SPOCK3: variants seen among roughly 807,000 people sequenced by gnomAD.
SPOCK3 encodes the protein SPARC (osteonectin), cwcv and kazal like domains proteoglycan 3, also known as testican-3.
SPOCK3 carries 30 observed loss-of-function variants against 56.6 expected under a neutral mutation model. The ratio of observed to expected loss-of-function variants is 0.53; its 90% confidence interval spans 0.40 to 0.72. SPOCK3 has a LOEUF of 0.72. Among genes scored for constraint, SPOCK3 ranks in the 30% least tolerant of loss-of-function variants. The pLI, the probability that SPOCK3 is intolerant of heterozygous loss-of-function variation, is 0.00. For synonymous variants in SPOCK3, 196 were observed against 183.3 expected, an observed-to-expected ratio of 1.07 and a Z score of -0.56; for missense variants, 527 against 530.0, an observed-to-expected ratio of 0.99 and a Z score of 0.06.
rs570761390 is a variant in SPOCK3 at position 166,919,070 on chromosome 4, C to T, written c.351-6327G>A. Among the ~76,000 whole-genome samples, 408 of 152,216 alleles carry T rather than the reference C, an allele frequency of 2.7e-3. 1 individual carries two copies. In the Middle Eastern group the frequency reaches 0.037, roughly 14 times the overall value. On this transcript the variant is annotated intron_variant, in intron 4 of 10. Coordinates refer to ENST00000357545, the MANE Select transcript of SPOCK3 (RefSeq NM_001040159.2). ...TTGATTCTTGTACAGCTTGGAGAAC[C>T]ATCAGACAAATAAACTTCTTTTCTT...
intron 2 of SPOCK3, among the ~76,000 whole-genome samples, chr4:167,225,736 G>C (rs1464862584): frequency 6.6e-6 from 1 of 151,636 alleles, no homozygotes; most frequent in East Asian, 1.9e-4. Flanking sequence ...CAGTTAAGAA[G>C]TTCAGGCATT....
At chr4:166,905,461 A>G (rs1194858158) in intron 5 of SPOCK3, among the ~76,000 whole-genome samples, 3 of 152,044 alleles carry the variant, frequency 2.0e-5, no homozygotes, top group African/African-American at 7.2e-5. Context: ...TATATGTTCT[A>G]TTCTGTGATG....
chr4:167,190,411 C>A, intron 2 of SPOCK3, among the ~76,000 whole-genome samples: 1 of 145,856 alleles, frequency 6.9e-6, no homozygotes. Context: ...ATTCATATAT[C>A]TTCTTTGGAA....
At chr4:167,079,689 T>C (rs1206701837) in intron 2 of SPOCK3, among the ~76,000 whole-genome samples, 1 of 152,042 alleles carries the variant, frequency 6.6e-6, no homozygotes, top group African/African-American at 2.4e-5. Flanking sequence ...TTGTAAGCAG[T>C]TCAGAATGTT....
intron 3 of SPOCK3, among the ~76,000 whole-genome samples, chr4:167,061,183 A>T (rs1755569486): frequency 6.6e-6 from 1 of 152,004 alleles, no homozygotes; most frequent in Non-Finnish European, 1.5e-5. Flanking sequence ...CATCTTTATT[A>T]TAACTGGATG....
intron 6 of SPOCK3, among the ~76,000 whole-genome samples, chr4:166,852,176 T>C (rs889096618): frequency 5.3e-5 from 8 of 151,994 alleles, no homozygotes; most frequent in South Asian, 2.1e-4. Context: ...AGCGATAGCA[T>C]TGGGAGATAT....
At chr4:166,907,096 T>A (rs1560995398) in intron 5 of SPOCK3, among the ~76,000 whole-genome samples, 1 of 151,978 alleles carries the variant, frequency 6.6e-6, no homozygotes, top group Non-Finnish European at 1.5e-5. Context: ...ATATATGAGG[T>A]TATGAAAGTT....
Position 166,803,461 on chromosome 4 carries a change from G to A in SPOCK3, c.590-11172C>T, listed in dbSNP as rs116119104. ...GTTCTGACAGCTGGTGGCATTTGGG[G>A]TTATAAAAAGGTCTCTCAAAAAGCA... On this transcript the variant is annotated intron_variant, in intron 6 of 10. Transcript: ENST00000357545. Among the ~76,000 whole-genome samples the A allele has an allele frequency of 3.3e-3, 497 of 152,168 alleles. 3 individuals are homozygous for A. Among genetic ancestry groups the A allele is most frequent in the African/African-American group, 0.011 (470 of 41,508 alleles).
At chr4:166,899,209 C>G (rs1735741586) in intron 5 of SPOCK3, among the ~76,000 whole-genome samples, 1 of 151,698 alleles carries the variant, frequency 6.6e-6, no homozygotes, top group African/African-American at 2.4e-5. Context: ...GCCTCCATTA[C>G]CACGTGACTC....
chr4:166,777,554 T>C (rs2126601028), intron 7 of SPOCK3, among the ~76,000 whole-genome samples: 1 of 152,200 alleles, frequency 6.6e-6, no homozygotes, highest in Non-Finnish European at 1.5e-5. Context: ...GGTGGCAGGA[T>C]CACCCCATGT....
At chr4:167,130,004 A>T (rs967424605) in intron 2 of SPOCK3, among the ~76,000 whole-genome samples, 2 of 152,154 alleles carry the variant, frequency 1.3e-5, no homozygotes, top group African/African-American at 4.8e-5. Context: ...ATGTTTTCCA[A>T]AAATAAGGTT....
intron 2 of SPOCK3, among the ~76,000 whole-genome samples, chr4:167,109,422 T>TATATATAA (rs1561225572): frequency 1.4e-5 from 1 of 69,968 alleles, no homozygotes; most frequent in African/African-American, 4.9e-5. Context: ...TATATATAAA[T>TATATATAA]ATATATATGA....
chr4:166,844,649 T>C lies in SPOCK3; in HGVS notation c.589+44481A>G, dbSNP rs539073835. Among the ~76,000 whole-genome samples the C allele has an allele frequency of 2.1e-4, 32 of 152,112 alleles. 1 individual carries two copies. Among genetic ancestry groups the C allele is most frequent in the African/African-American group, 7.5e-4 (31 of 41,544 alleles). On this transcript the variant is annotated intron_variant, in intron 6 of 10. Coordinates refer to ENST00000357545, the MANE Select transcript of SPOCK3 (RefSeq NM_001040159.2). ...GTCTGTCTGTCTGTCTATCTGTCTCTTTCTTGATATATGTATAGATAAAGA... is the reference window on the plus strand; with the variant it reads ...GTCTGTCTGTCTGTCTATCTGTCTCCTTCTTGATATATGTATAGATAAAGA...
intron 2 of SPOCK3, among the ~76,000 whole-genome samples, chr4:167,218,081 C>G (rs1735543270): frequency 6.6e-6 from 1 of 152,080 alleles, no homozygotes; most frequent in South Asian, 2.1e-4. Context: ...AATCACGCAA[C>G]TACCTACCAC....
chr4:166,750,244 A>G (rs941058372), intron 8 of SPOCK3, among the ~76,000 whole-genome samples: 2 of 152,166 alleles, frequency 1.3e-5, no homozygotes, highest in Non-Finnish European at 1.5e-5. Flanking sequence ...GACTTCATCT[A>G]TCATTTAAAC....
intron 2 of SPOCK3, among the ~76,000 whole-genome samples, chr4:167,216,244 C>T (rs780503145): frequency 4.0e-5 from 6 of 151,484 alleles, no homozygotes; most frequent in African/African-American, 9.7e-5. Context: ...TTTATCCCAC[C>T]GAAAAAAATA....
intron 6 of SPOCK3, among the ~76,000 whole-genome samples, chr4:166,875,180 AAC>A (rs1434308333): frequency 6.6e-6 from 1 of 152,180 alleles, no homozygotes; most frequent in Non-Finnish European, 1.5e-5. Flanking sequence ...ACTTTTCTGC[AAC>A]ACTTTTGCAT....
intron 7 of SPOCK3, among the ~76,000 whole-genome samples, chr4:166,772,398 A>G (rs984595531): frequency 5.3e-5 from 8 of 152,240 alleles, no homozygotes; most frequent in East Asian, 1.9e-4. Context: ...CCTCCTAAGT[A>G]TATCAATGAA....
At chr4:166,744,812 A>C (rs1735357640) in intron 8 of SPOCK3, among the ~76,000 whole-genome samples, 2 of 152,162 alleles carry the variant, frequency 1.3e-5, no homozygotes, top group Non-Finnish European at 2.9e-5. Flanking sequence ...GGAGCTGAAA[A>C]CCATGGCATG....
Sources: allele counts gnomAD v4.1 joint callset (sites outside exome capture counted in the v4.1 genomes callset), GRCh38; gene constraint gnomAD v4.1.1; transcripts MANE v1.5; gene names NCBI Gene and HGNC (gene_info 2026-07-23, HGNC 2026-07-21).